Variants in GRIA4 observed in about 807,000 individuals in gnomAD.
GRIA4 encodes the protein glutamate ionotropic receptor AMPA type subunit 4, also known as glutamate receptor 4.
In GRIA4, 34 loss-of-function variants were observed where a neutral mutation model predicts 104.0. That is an observed-to-expected ratio of 0.33 (90% confidence interval 0.25 to 0.44). The LOEUF (loss-of-function observed/expected upper bound fraction) is 0.44. Ranked by LOEUF, GRIA4 falls within the 20% of genes least tolerant of loss-of-function variation. GRIA4 has a pLI of 1.00. For synonymous variants in GRIA4, 386 were observed against 381.9 expected (o/e 1.01, Z -0.13); for missense variants, 750 against 1,096.5 (o/e 0.68, Z 4.46).
chr11:105,841,060 T>C (rs1944373781), intron 4 of GRIA4, among the ~76,000 whole-genome samples: 1 of 152,154 alleles, frequency 6.6e-6, no homozygotes, highest in Non-Finnish European at 1.5e-5. Context: ...TTCAGTCTTC[T>C]TTAAGCATTT....
At chr11:105,834,726 T>TC (rs1944111608) in intron 4 of GRIA4, among the ~76,000 whole-genome samples, 1 of 151,640 alleles carries the variant, frequency 6.6e-6, no homozygotes, top group African/African-American at 2.4e-5. Context: ...TTTTTTTTTT[T>TC]TTTTGCTACC....
intron 3 of GRIA4, among the ~76,000 whole-genome samples, chr11:105,741,773 T>C (rs1939325562): frequency 6.6e-6 from 1 of 152,188 alleles, no homozygotes; most frequent in Non-Finnish European, 1.5e-5. Flanking sequence ...TTTTATTGTG[T>C]ATGTTTAAGA....
intron 5 of GRIA4, among the ~76,000 whole-genome samples, chr11:105,875,559 G>A (rs749311542): frequency 2.6e-5 from 4 of 151,992 alleles, no homozygotes; most frequent in Non-Finnish European, 4.4e-5. Flanking sequence ...TTTTTTGGTT[G>A]GTAGGCTATT....
chr11:105,792,326 G>A (rs1942250575), intron 4 of GRIA4, among the ~76,000 whole-genome samples: 1 of 152,088 alleles, frequency 6.6e-6, no homozygotes, highest in Non-Finnish European at 1.5e-5. Context: ...AAAAGGGGTG[G>A]TCATAGTCAA....
At chr11:105,958,374 G>T (rs1261929495) in intron 14 of GRIA4, among the ~76,000 whole-genome samples, 1 of 152,144 alleles carries the variant, frequency 6.6e-6, no homozygotes, top group African/African-American at 2.4e-5. Context: ...AGATAATCAT[G>T]TGGTTTTTGT....
At chr11:105,683,694 T>A (rs1952780478) in intron 3 of GRIA4, among the ~76,000 whole-genome samples, 1 of 152,172 alleles carries the variant, frequency 6.6e-6, no homozygotes, top group African/African-American at 2.4e-5. Flanking sequence ...TTGAGTATCA[T>A]CTCCTTTAGC....
At chr11:105,738,940 A>C (rs1170759249) in intron 3 of GRIA4, among the ~76,000 whole-genome samples, 9 of 114,168 alleles carry the variant, frequency 7.9e-5, no homozygotes, top group South Asian at 2.7e-4. Context: ...CAAAAAAAAA[A>C]AAAACAAAAA....
intron 3 of GRIA4, among the ~76,000 whole-genome samples, chr11:105,634,547 A>C (rs1951155082): frequency 6.6e-6 from 1 of 151,608 alleles, no homozygotes; most frequent in African/African-American, 2.4e-5. Context: ...GAAAAAGAAA[A>C]AGAAAAACTT....
rs12365720 is a variant in GRIA4, at chr11:105,644,335, G to A, written c.247+31901G>A. 8.5e-3 allele frequency among the ~76,000 whole-genome samples: 1,293 copies of A among 151,892 alleles called. 11 individuals are homozygous for A. Among genetic ancestry groups the A allele is most frequent in the Non-Finnish European group, 0.014 (922 of 67,976 alleles). ...GGCCAGGCACCTTTGGCTCGCGCCT[G>A]TAATCCCAGCACTTTGGGACGCCAA... On this transcript the variant is annotated intron_variant, in intron 3 of 16. Transcript: ENST00000282499.
chr11:105,756,854 C>G (rs1329317689), intron 4 of GRIA4, among the ~76,000 whole-genome samples: 2 of 152,056 alleles, frequency 1.3e-5, no homozygotes, highest in African/African-American at 2.4e-5. Context: ...GCCAGACTGA[C>G]AGTCAATATT....
intron 5 of GRIA4, among the ~76,000 whole-genome samples, chr11:105,884,498 A>C (rs1001945825): frequency 1.3e-5 from 2 of 152,226 alleles, no homozygotes; most frequent in African/African-American, 4.8e-5. Context: ...TTTTTTCACA[A>C]AGAAACTAAG....
intron 4 of GRIA4, among the ~76,000 whole-genome samples, chr11:105,816,180 A>G (rs534108928): frequency 1.3e-5 from 2 of 152,286 alleles, no homozygotes; most frequent in Non-Finnish European, 2.9e-5. Context: ...CTCGTCAGGA[A>G]AATATTACCT....
chr11:105,683,505 TCATTTTTCAAGA>T (rs1202583657), intron 3 of GRIA4, among the ~76,000 whole-genome samples: 2 of 152,146 alleles, frequency 1.3e-5, no homozygotes, highest in African/African-American at 4.8e-5. Context: ...AATGTATAAC[TCATTTTTCAAGA>T]CATTTTTCAG....
chr11:105,666,964 G>A (rs551974383), intron 3 of GRIA4, among the ~76,000 whole-genome samples: 1 of 151,866 alleles, frequency 6.6e-6, no homozygotes, highest in East Asian at 1.9e-4. Context: ...AGATCACTCA[G>A]TATCTTCATT....
chr11:105,665,480 G>A (rs912976031), intron 3 of GRIA4, among the ~76,000 whole-genome samples: 1 of 151,914 alleles, frequency 6.6e-6, no homozygotes, highest in African/African-American at 2.4e-5. Flanking sequence ...AGGTTGCACT[G>A]GCCTTCGAGA....
chr11:105,741,652 C>T lies in GRIA4; in HGVS notation c.248-11329C>T, dbSNP rs1939315361. 2.0e-5 allele frequency among the ~76,000 whole-genome samples: 3 copies of T among 152,122 alleles called. No individual in the cohort carries two copies. The South Asian group carries it at 6.2e-4, about 32-fold the overall frequency. ...ACTCCTCATAATTATTCCCTTTGGT[C>T]ACCAGCCTTATCTGTGCCTGAAGAG... On this transcript the variant is annotated intron_variant, in intron 3 of 16. Coordinates refer to ENST00000282499, the MANE Select transcript of GRIA4 (RefSeq NM_000829.4).
At chr11:105,972,059 G>C (rs902170608) in intron 15 of GRIA4, 31 bp downstream of exon 15, 2 of 1,342,236 alleles carry the variant, frequency 1.5e-6, no homozygotes, top group African/African-American at 2.9e-5. Flanking sequence ...GCCTCCTCTT[G>C]TGTTCACAAA....
At position 105,753,015 on chromosome 11, in the gene GRIA4, T is replaced by C. The variant is rs1940094736; in HGVS notation, c.282T>C (p.Ile94=). ...CSQYSRGVFA[I]FGLYDKRSVH... is the part of the protein sequence containing the mutation. ...AGTATTCTAGAGGAGTATTTGCCAT[T>C]TTTGGACTCTATGATAAGAGGTCGG... is the stretch of plus-strand genomic sequence containing the variant. Residue 94 remains isoleucine (I), a synonymous_variant, in exon 4 of 17, where the codon ATT becomes ATC. Coordinates refer to ENST00000282499, the MANE Select transcript of GRIA4 (RefSeq NM_000829.4). The C allele has an allele frequency of 6.2e-7, 1 of 1,613,388 alleles. No individual in the cohort carries two copies. Among genetic ancestry groups the C allele is most frequent in the African/African-American group, 1.3e-5 (1 of 74,908 alleles).
intron 5 of GRIA4, among the ~76,000 whole-genome samples, chr11:105,872,577 T>C (rs893657788): frequency 6.6e-6 from 1 of 152,140 alleles, no homozygotes; most frequent in African/African-American, 2.4e-5. Context: ...CCTAATGATA[T>C]ATCCCTTTGA....
Sources: gnomAD v4.1 joint callset for allele counts (sites outside exome capture counted in the v4.1 genomes callset) on GRCh38, gnomAD v4.1.1 for gene constraint, MANE v1.5 for transcripts, NCBI Gene and HGNC (gene_info 2026-07-23, HGNC 2026-07-21) for gene names.